The following FCHSD2 variants were observed in gnomAD, a reference collection of about 807,000 sequenced individuals.
FCHSD2 encodes F-BAR and double SH3 domains protein 2.
Under a neutral mutation model 108.1 loss-of-function variants are expected in FCHSD2, and 38 were observed. The ratio of observed to expected loss-of-function variants is 0.35; its 90% CI spans 0.27 to 0.46. The LOEUF (loss-of-function observed/expected upper bound fraction) is 0.46. Among genes scored for constraint, FCHSD2 ranks in the 20% least tolerant of loss-of-function variants. FCHSD2 has a pLI of 1.00. For synonymous variants in FCHSD2, 279 were observed against 314.7 expected, an observed-to-expected ratio of 0.89 and a Z score of 1.20; for missense variants, 751 against 897.8, an observed-to-expected ratio of 0.84 and a Z score of 2.09.
intron 14 of FCHSD2, among the ~76,000 whole-genome samples, chr11:72,849,227 T>TG (rs1861224011): frequency 1.3e-5 from 2 of 152,158 alleles, no homozygotes; most frequent in African/African-American, 4.8e-5. Context: ...CCTTCCAACA[T>TG]TCATGTAGTC....
At chr11:72,978,645 G>T (rs1455533037) in intron 8 of FCHSD2, among the ~76,000 whole-genome samples, 1 of 152,066 alleles carries the variant, frequency 6.6e-6, no homozygotes, top group Non-Finnish European at 1.5e-5. Context: ...CTGTTCTCAT[G>T]ATTGTGACTG....
intron 2 of FCHSD2, among the ~76,000 whole-genome samples, chr11:73,111,206 A>T (rs1860477335): frequency 6.6e-6 from 1 of 152,168 alleles, no homozygotes; most frequent in African/African-American, 2.4e-5. Context: ...AGTACAGATT[A>T]AGAGTGATGT....
At chr11:72,931,049 C>T (rs1410543346) in intron 8 of FCHSD2, among the ~76,000 whole-genome samples, 2 of 148,980 alleles carry the variant, frequency 1.3e-5, no homozygotes, top group East Asian at 3.9e-4. Context: ...ATGTGCCTCA[C>T]AAATATATAT....
chr11:73,023,887 C>T (rs1199299206), intron 3 of FCHSD2, among the ~76,000 whole-genome samples: 2 of 151,970 alleles, frequency 1.3e-5, no homozygotes, highest in Non-Finnish European at 2.9e-5. Flanking sequence ...TTTGTTAAGT[C>T]AAAGAAGCCA....
intron 3 of FCHSD2, among the ~76,000 whole-genome samples, chr11:73,082,371 A>G (rs1859715368): frequency 6.6e-6 from 1 of 151,050 alleles, no homozygotes; most frequent in South Asian, 2.1e-4. Flanking sequence ...AAGAAAAGAA[A>G]AAGCATTCAA....
In FCHSD2 at chr11:73,042,355, T is replaced by C. The variant is rs190552398; in HGVS notation, c.166-26470A>G. Among the ~76,000 whole-genome samples the C allele has an allele frequency of 1.1e-3, 172 of 152,310 alleles. 1 individual carries two copies. The highest frequency in any genetic ancestry group is 8.3e-3 in the South Asian group (40 of 4,824). Reference sequence around the variant, plus strand: ...AAGTTATTGGCACCTTTGTCAAAAATCAGTTGGCAGTAAAATATGTGAGTT... The same window carrying C: ...AAGTTATTGGCACCTTTGTCAAAAACCAGTTGGCAGTAAAATATGTGAGTT... On this transcript the variant is annotated intron_variant, in intron 3 of 19. Coordinates refer to ENST00000409418, the MANE Select transcript of FCHSD2 (RefSeq NM_014824.3).
chr11:73,132,846 C>T, intron 2 of FCHSD2, among the ~76,000 whole-genome samples: 1 of 146,160 alleles, frequency 6.8e-6, no homozygotes, highest in South Asian at 2.2e-4. Flanking sequence ...AAAAAAACCT[C>T]AGGTGATTCT....
rs751572265 is a variant in FCHSD2, at chr11:72,842,718, C to G, written c.1829G>C (p.Gly610Ala). Residue 610 changes from glycine to alanine, a missense_variant, in exon 17 of 20, where the codon GGG becomes GCG. Coordinates refer to ENST00000409418, the MANE Select transcript of FCHSD2 (RefSeq NM_014824.3). ...AACTCCAATACGCCCATTGAATTCC[C>G]CTTCCCAGAAGCCATCATCATCTTG... ...ENQDDDGFWEGEFNGRIGVFP... is the reference protein window; with the variant it reads ...ENQDDDGFWEAEFNGRIGVFP... 10 of 1,613,914 alleles carry G rather than the reference C, an allele frequency of 6.2e-6. No individual in the cohort carries two copies. In the East Asian group the frequency reaches 2.2e-4, roughly 36 times the overall value.
intron 5 of FCHSD2, among the ~76,000 whole-genome samples, chr11:72,995,752 G>A (rs1223892340): frequency 6.6e-6 from 1 of 150,450 alleles, no homozygotes; most frequent in African/African-American, 2.4e-5. Context: ...TAGTCTCTGA[G>A]TATGACAGAG....
chr11:73,087,337 T>A (rs1427965851), intron 2 of FCHSD2, among the ~76,000 whole-genome samples: 1 of 151,374 alleles, frequency 6.6e-6, no homozygotes, highest in Non-Finnish European at 1.5e-5. Context: ...TCAAAAAAGT[T>A]TTTTTTTTAA....
intron 10 of FCHSD2, among the ~76,000 whole-genome samples, chr11:72,901,674 T>C (rs893874782): frequency 1.3e-5 from 2 of 152,078 alleles, no homozygotes; most frequent in African/African-American, 4.8e-5. Context: ...TTGTGTTATG[T>C]GTATTCTGCT....
intron 8 of FCHSD2, among the ~76,000 whole-genome samples, chr11:72,962,466 G>GA (rs1856833954): frequency 6.6e-6 from 1 of 152,156 alleles, no homozygotes; most frequent in African/African-American, 2.4e-5. Context: ...AAACGTTTGA[G>GA]AACCTCTGGT....
intron 13 of FCHSD2, among the ~76,000 whole-genome samples, chr11:72,855,638 A>G (rs1861409298): frequency 6.6e-6 from 1 of 152,238 alleles, no homozygotes; most frequent in African/African-American, 2.4e-5. Flanking sequence ...AATGTAACAC[A>G]AGGAGAATAA....
intron 2 of FCHSD2, among the ~76,000 whole-genome samples, chr11:73,130,405 C>G (rs1447943380): frequency 6.6e-6 from 1 of 152,186 alleles, no homozygotes; most frequent in East Asian, 1.9e-4. Context: ...ACTAACACTT[C>G]TATTCTTAAC....
At chr11:73,108,637 C>T (rs1483115982) in intron 2 of FCHSD2, among the ~76,000 whole-genome samples, 1 of 152,176 alleles carries the variant, frequency 6.6e-6, no homozygotes, top group African/African-American at 2.4e-5. Context: ...GGCGCAATCT[C>T]GGCTCACTGC....
chr11:72,948,596 TGA>T (rs889831211), intron 8 of FCHSD2, among the ~76,000 whole-genome samples: 3 of 152,242 alleles, frequency 2.0e-5, no homozygotes, highest in Admixed American at 6.5e-5. Context: ...TAATAGAATA[TGA>T]GTGTATTAAC....
rs1407514611 is a variant in FCHSD2 at position 72,838,367 on chromosome 11, A to G, written c.*424T>C. 1 of 165,740 alleles carries G rather than the reference A, an allele frequency of 6.0e-6. No homozygotes were observed. Among genetic ancestry groups the G allele is most frequent in the Non-Finnish European group, 1.3e-5 (1 of 75,724 alleles). 10.3% of individuals were successfully genotyped at this position (165,740 alleles called of 1,614,324 possible). ...CATGATCTGATTAATTCTCAATCAGATGAGCAAAAGCCACTTGAAGAAAGA... is the reference window on the plus strand; with the variant it reads ...CATGATCTGATTAATTCTCAATCAGGTGAGCAAAAGCCACTTGAAGAAAGA... On this transcript the variant is annotated 3_prime_UTR_variant, in exon 20 of 20. Transcript: ENST00000409418.
chr11:73,064,316 T>C (rs1213391601), intron 3 of FCHSD2, among the ~76,000 whole-genome samples: 3 of 152,100 alleles, frequency 2.0e-5, no homozygotes, highest in African/African-American at 7.2e-5. Flanking sequence ...TAGCACTAAA[T>C]GCCCACAAAA....
intron 9 of FCHSD2, among the ~76,000 whole-genome samples, chr11:72,919,610 T>C (rs947553772): frequency 1.3e-5 from 2 of 152,162 alleles, no homozygotes; most frequent in Admixed American, 1.3e-4. Context: ...GCTAAAAGTC[T>C]TAAGAAATTG....
Sources: allele counts gnomAD v4.1 joint callset (sites outside exome capture counted in the v4.1 genomes callset), GRCh38; gene constraint gnomAD v4.1.1; transcripts MANE v1.5; gene names NCBI Gene and HGNC (gene_info 2026-07-23, HGNC 2026-07-21).